HTD2: variants seen among roughly 807,000 people sequenced by gnomAD.
HTD2 encodes hydroxyacyl-thioester dehydratase type 2.
Under a neutral mutation model 3.1 loss-of-function variants are expected in HTD2, and 1 was observed. The ratio of observed to expected loss-of-function variants is 0.32; its 90% CI spans 0.11 to 1.52. HTD2 has a LOEUF of 1.52. Among genes scored for constraint, HTD2 ranks in the 40% most tolerant of loss-of-function variants. The pLI is 0.39. For synonymous variants in HTD2, 50 were observed against 28.9 expected (o/e 1.73, Z -2.34); for missense variants, 150 against 79.6 (o/e 1.88, Z -3.36).
At chr3:58,311,356 T>A (rs2097482056) in intron 2 of HTD2, among the ~76,000 whole-genome samples, 1 of 152,220 alleles carries the variant, frequency 6.6e-6, no homozygotes, top group Non-Finnish European at 1.5e-5. Context: ...GGTTTCGTCA[T>A]GTTGGCCAGG....
At chr3:58,307,149 C>T (rs1002381358) in intron 1 of HTD2, among the ~76,000 whole-genome samples, 3 of 151,988 alleles carry the variant, frequency 2.0e-5, no homozygotes, top group South Asian at 2.1e-4. Context: ...TGTGTGGTGG[C>T]GGGGATTGAG....
intron 2 of HTD2, among the ~76,000 whole-genome samples, chr3:58,314,708 T>C (rs1233111847): frequency 2.4e-5 from 3 of 123,634 alleles, no homozygotes; most frequent in East Asian, 2.6e-4. Context: ...TTTGTTGAGA[T>C]GGAGTCTCGT....
At chr3:58,313,741 C>T (rs938612982) in intron 2 of HTD2, among the ~76,000 whole-genome samples, 2 of 152,186 alleles carry the variant, frequency 1.3e-5, no homozygotes, top group African/African-American at 4.8e-5. Flanking sequence ...GGGAGGATTG[C>T]TTGAGCCCAA....
chr3:58,318,307 G>T lies in HTD2; in HGVS notation c.*187G>T, dbSNP rs2097490516. The T allele has an allele frequency of 2.0e-6, 1 of 501,486 alleles. No individual in the cohort carries two copies. Among genetic ancestry groups the T allele is most frequent in the African/African-American group, 2.0e-5 (1 of 51,030 alleles). 31.1% of individuals were successfully genotyped at this position (501,486 alleles called of 1,614,324 possible). A position where few individuals can be genotyped will look rare whatever the true frequency, so the allele number is the denominator to read the frequency against. Reference sequence around the variant, plus strand: ...TTGGCCTTATGCTTCATGCAGACTTGAGTGTATGCAGGATTTCATTATCTG... The same window carrying T: ...TTGGCCTTATGCTTCATGCAGACTTTAGTGTATGCAGGATTTCATTATCTG... On this transcript the variant is annotated 3_prime_UTR_variant, in exon 5 of 5. Transcript: ENST00000461393.
chr3:58,307,923 T>G (rs1322241755), intron 1 of HTD2: 1 of 151,850 alleles, frequency 6.6e-6, no homozygotes, highest in African/African-American at 2.4e-5. Context: ...GTAAGTAGCA[T>G]TGAGTACATT....
rs1387634260 is a variant in HTD2, at chr3:58,319,809, C to T, written c.*1689C>T. The T allele has an allele frequency of 6.6e-6, 1 of 151,744 alleles. No homozygotes were observed. The highest frequency in any genetic ancestry group is 1.5e-5 in the Non-Finnish European group (1 of 67,944). The allele number at this position is 151,744 out of a possible 1,614,324, so 9.4% of individuals were successfully genotyped here. On this transcript the variant is annotated 3_prime_UTR_variant, in exon 5 of 5. Transcript: ENST00000461393. ...TTTGTTTCCCATTTTTTTTTGTTTCCCGTTTTTTAATAAAATTGAGATATA... is the reference window on the plus strand; with the variant it reads ...TTTGTTTCCCATTTTTTTTTGTTTCTCGTTTTTTAATAAAATTGAGATATA...
At chr3:58,312,006 G>A (rs916779827) in intron 2 of HTD2, among the ~76,000 whole-genome samples, 4 of 152,086 alleles carry the variant, frequency 2.6e-5, no homozygotes, top group African/African-American at 9.7e-5. Flanking sequence ...CCGAGTAGCT[G>A]GGACCACAGG....
chr3:58,310,799 A>G (rs1370127214), intron 2 of HTD2, among the ~76,000 whole-genome samples: 2 of 151,988 alleles, frequency 1.3e-5, no homozygotes, highest in Non-Finnish European at 2.9e-5. Context: ...GTGTGGTGGC[A>G]GGCACCTGTA....
chr3:58,310,629 C>CT (rs2097481194), intron 2 of HTD2, 38 bp downstream of exon 2: 1 of 1,550,812 alleles, frequency 6.4e-7, no homozygotes, highest in Non-Finnish European at 8.8e-7. Flanking sequence ...TTCCAAAGAT[C>CT]TTTGTAAGAA....
chr3:58,312,690 G>T (rs2097483640), intron 2 of HTD2, among the ~76,000 whole-genome samples: 1 of 152,106 alleles, frequency 6.6e-6, no homozygotes, highest in Non-Finnish European at 1.5e-5. Flanking sequence ...GCCAGGCGCA[G>T]TGGCTCACTC....
intron 4 of HTD2, 33 bp downstream of exon 4, chr3:58,317,026 G>A: frequency 6.7e-7 from 1 of 1,485,884 alleles, no homozygotes; most frequent in African/African-American, 1.4e-5. Context: ...TTCCAAACAA[G>A]ACTGAGTGAT....
intron 2 of HTD2, among the ~76,000 whole-genome samples, chr3:58,310,976 A>T (rs750766115): frequency 0.026 from 4,023 of 151,892 alleles, 79 homozygotes; most frequent in Non-Finnish European, 0.037. Context: ...AAAAAAAAAA[A>T]AAAAATAAAT....
chr3:58,309,926 C>G (rs35580931), intron 1 of HTD2: 2 of 170,754 alleles, frequency 1.2e-5, no homozygotes, highest in South Asian at 1.4e-4. Context: ...AAGGCCGGGC[C>G]TGGTGGCTCA....
At chr3:58,317,301 G>T in intron 4 of HTD2, 139 bp from the exon 5 acceptor site, 2 of 629,134 alleles carry the variant, frequency 3.2e-6, no homozygotes, top group Non-Finnish European at 2.8e-6. Flanking sequence ...ACTTGTTATC[G>T]AAGGCTTCCT....
At chr3:58,308,844 G>C (rs937263628) in intron 1 of HTD2, among the ~76,000 whole-genome samples, 3 of 150,400 alleles carry the variant, frequency 2.0e-5, no homozygotes, top group African/African-American at 7.3e-5. Context: ...GGGTGTCAGA[G>C]AAGACCTTCA....
intron 2 of HTD2, among the ~76,000 whole-genome samples, chr3:58,316,103 G>T (rs2097488034): frequency 6.6e-6 from 1 of 152,218 alleles, no homozygotes; most frequent in Non-Finnish European, 1.5e-5. Flanking sequence ...GGTTTATATA[G>T]CTGCAAACAA....
intron 3 of HTD2, 144 bp from the exon 4 acceptor site, chr3:58,316,771 A>G: frequency 1.1e-6 from 1 of 885,444 alleles, no homozygotes; most frequent in South Asian, 1.7e-5. Context: ...AGAGAGGGCA[A>G]AACTTACGAT....
At chr3:58,312,249 A>T (rs2097483033) in intron 2 of HTD2, among the ~76,000 whole-genome samples, 1 of 147,676 alleles carries the variant, frequency 6.8e-6, no homozygotes, top group African/African-American at 2.5e-5. Context: ...CCTAGAGATT[A>T]TTTTATTTTA....
chr3:58,309,818 C>T (rs576163691), intron 1 of HTD2, among the ~76,000 whole-genome samples: 5 of 151,712 alleles, frequency 3.3e-5, no homozygotes, highest in South Asian at 2.1e-4. Context: ...CTTGAATCCG[C>T]GAGGCAGAGG....
Sources: gnomAD v4.1 joint callset for allele counts (sites outside exome capture counted in the v4.1 genomes callset) on GRCh38, gnomAD v4.1.1 for gene constraint, MANE v1.5 for transcripts, NCBI Gene and HGNC (gene_info 2026-07-23, HGNC 2026-07-21) for gene names.